The following LNX1 variants were observed in gnomAD, a reference collection of about 807,000 sequenced individuals.
LNX1 encodes ligand of numb-protein X 1, also known as E3 ubiquitin-protein ligase LNX.
Under a neutral mutation model 68.4 loss-of-function variants are expected in LNX1, and 54 were observed. That is an observed-to-expected ratio of 0.79 (90% CI 0.63 to 0.99). The LOEUF is 0.99. LNX1 is among the 50% of genes least tolerant of loss of function. The pLI, the probability that LNX1 is intolerant of heterozygous loss-of-function variation, is 0.00. For synonymous variants in LNX1, 336 were observed against 350.0 expected (o/e 0.96, Z 0.45); for missense variants, 906 against 926.4 (o/e 0.98, Z 0.29).
rs1474100390 is a variant in LNX1, at chr4:53,508,034, G to A, written c.574C>T (p.Gln192Ter). 6.2e-7 allele frequency: 1 copy of A among 1,614,136 alleles called. No individual in the cohort carries two copies. The highest frequency in any genetic ancestry group is 8.5e-7 in the Non-Finnish European group (1 of 1,179,996). ...PAYVSSAEDGQPAISPVDSGR... is the reference protein window; with the variant it reads ...PAYVSSAEDG ...GAGTCCACTGGGCTGATTGCTGGCT[G>A]CCCGTCCTCTGCCGAGGACACGTAG... The change falls in exon 3 of 11, where the codon CAG becomes TAG. Residue 192 changes from glutamine (Q) to a stop codon, truncating the protein, a stop_gained. Coordinates refer to ENST00000263925, the MANE Select transcript of LNX1 (RefSeq NM_001126328.3). LOFTEE classifies it high-confidence loss of function.
intron 2 of LNX1, among the ~76,000 whole-genome samples, chr4:53,546,902 C>T (rs7697542): frequency 0.32 from 48,167 of 151,996 alleles, 8,021 homozygotes; most frequent in African/African-American, 0.39. Flanking sequence ...GTGTGGAAGG[C>T]GAGGCCTCAG....
At chr4:53,633,718 G>A (rs1384189547) in intron 1 of LNX1, among the ~76,000 whole-genome samples, 1 of 152,154 alleles carries the variant, frequency 6.6e-6, no homozygotes, top group Non-Finnish European at 1.5e-5. Context: ...TTTGACATGA[G>A]CGCCCTCATC....
chr4:53,526,202 A>G (rs1398158), intron 2 of LNX1, among the ~76,000 whole-genome samples: 145,586 of 152,168 alleles, frequency 0.96, 69,997 homozygotes, highest in Middle Eastern at 1. Context: ...CCATCACTGG[A>G]CACGGCACAC....
chr4:53,568,698 A>G (rs892975679), intron 2 of LNX1, among the ~76,000 whole-genome samples: 3 of 151,708 alleles, frequency 2.0e-5, no homozygotes, highest in Admixed American at 6.5e-5. Flanking sequence ...AGGGTATTCA[A>G]TTAGGAAAAA....
chr4:53,467,126 G>C (rs1722748298), intron 9 of LNX1, among the ~76,000 whole-genome samples: 1 of 152,060 alleles, frequency 6.6e-6, no homozygotes. Context: ...ACATGGCTGG[G>C]TACTCCTCTG....
Position 53,496,340 on chromosome 4 carries a change from G to A in LNX1, c.1033C>T (p.Arg345Trp), listed in dbSNP as rs763938904. ...VPHNYAVRLL[R>W]QPCQVLWLTV... ...AGCCACAGCACCTGGCAGGGCTGCC[G>A]CAGGAGACGCACAGCGTAGTTGTGA... The change falls in exon 6 of 11, where the codon CGG (arginine) becomes TGG (tryptophan). Residue 345 changes from arginine to tryptophan, a missense_variant. By Grantham distance (101) the Arg-to-Trp change is moderately radical (BLOSUM62 -3). Coordinates refer to ENST00000263925, the MANE Select transcript of LNX1 (RefSeq NM_001126328.3). 46 of 1,613,936 alleles carry A rather than the reference G, an allele frequency of 2.9e-5. No homozygotes were observed. The highest frequency in any genetic ancestry group is 1.6e-4 in the Middle Eastern group (1 of 6,084).
rs1294229942 is a variant in LNX1, at chr4:53,496,072, C to A, written c.1301G>T (p.Gly434Val). 1 of 1,614,158 alleles carries A rather than the reference C, an allele frequency of 6.2e-7. No individual in the cohort carries two copies. The highest frequency in any genetic ancestry group is 8.5e-7 in the Non-Finnish European group (1 of 1,180,012). The change falls in exon 6 of 11, where the codon GGA becomes GTA. Residue 434 changes from glycine to valine, a missense_variant. Gly to Val is a moderately radical substitution (Grantham distance 109). Transcript: ENST00000263925. ...EENDRVLAIN[G>V]HDLRYGSPES... ...TGGGCTGCCATATCGAAGATCATGT[C>A]CATTGATGGCTAACACACGGTCATT...
chr4:53,632,472 G>T (rs537574807), intron 1 of LNX1, among the ~76,000 whole-genome samples: 1 of 152,260 alleles, frequency 6.6e-6, no homozygotes. Context: ...CAGCCAAGAG[G>T]GTCAGTCAGA....
At chr4:53,623,389 G>C (rs1348206948) in intron 1 of LNX1, among the ~76,000 whole-genome samples, 1 of 151,702 alleles carries the variant, frequency 6.6e-6, no homozygotes, top group Non-Finnish European at 1.5e-5. Flanking sequence ...ATGCTACCAT[G>C]CCTGGCTAAT....
chr4:53,638,204 G>A (rs758160861), intron 1 of LNX1, among the ~76,000 whole-genome samples: 3 of 152,080 alleles, frequency 2.0e-5, no homozygotes, highest in Non-Finnish European at 4.4e-5. Context: ...TCTCTGACTT[G>A]GCTTCTCTGC....
rs536809570 is a variant in LNX1 at position 53,624,375 on chromosome 4, G to A, written c.-215+27793C>T. Among the ~76,000 whole-genome samples, 149 of 152,238 alleles carry A rather than the reference G, an allele frequency of 9.8e-4. 1 individual carries two copies. Among genetic ancestry groups the A allele is most frequent in the African/African-American group, 3.4e-3 (142 of 41,556 alleles). ...TGAAAAAGTCTCATGAGATCTGATG[G>A]TTTTATAAGGGGAAACCCCTTTCAC... On this transcript the variant is annotated intron_variant, in intron 1 of 2. Coordinates refer to the LNX1 transcript ENST00000507168.
Position 53,478,643 on chromosome 4 carries a change from T to C in LNX1, c.1585A>G (p.Arg529Gly), listed in dbSNP as rs542542903. Reference sequence around the variant, plus strand: ...ACATAGATAGGCAAATCCCATTCTCTATGTGATGCTCCCCCTGCGACGGTC... The same window carrying C: ...ACATAGATAGGCAAATCCCATTCTCCATGTGATGCTCCCCCTGCGACGGTC... The part of the protein sequence containing the change: ...GMTVAGGASH[R>G]EWDLPIYVIS... The change falls in exon 8 of 11, where the codon AGA becomes GGA. Residue 529 changes from arginine to glycine, a missense_variant. Arg to Gly is a moderately radical substitution (Grantham distance 125, BLOSUM62 -2). Coordinates refer to ENST00000263925, the MANE Select transcript of LNX1 (RefSeq NM_001126328.3). 156 of 1,614,134 alleles carry C rather than the reference T, an allele frequency of 9.7e-5. 1 individual carries two copies. The highest frequency in any genetic ancestry group is 8.5e-4 in the South Asian group (77 of 91,072).
At chr4:53,564,434 G>A (rs1482514011) in intron 2 of LNX1, among the ~76,000 whole-genome samples, 1 of 152,150 alleles carries the variant, frequency 6.6e-6, no homozygotes, top group Non-Finnish European at 1.5e-5. Flanking sequence ...CCTGGATGAG[G>A]GGATGAGGAG....
Position 53,508,231 on chromosome 4 carries a change from T to C in LNX1, c.381-4A>G, listed in dbSNP as rs1211004386. 3 of 1,611,282 alleles carry C rather than the reference T, an allele frequency of 1.9e-6. No homozygotes were observed. The highest frequency in any genetic ancestry group is 1.1e-5 in the South Asian group (1 of 91,052). On this transcript the variant is annotated splice_region_variant and splice_polypyrimidine_tract_variant and intron_variant, in intron 2 of 10. Coordinates refer to ENST00000263925, the MANE Select transcript of LNX1 (RefSeq NM_001126328.3). ...GTAGTGGGAGGCACCTTTACAGCTG[T>C]AACAGAACCAGCGGGGAGGTGAAGA...
intron 2 of LNX1, among the ~76,000 whole-genome samples, chr4:53,546,283 C>T (rs1426862714): frequency 1.3e-4 from 20 of 152,170 alleles, no homozygotes; most frequent in African/African-American, 3.6e-4. Context: ...CCAGGCTGCA[C>T]GTGTTCAAAA....
At chr4:53,544,909 C>A (rs1729002422) in intron 2 of LNX1, among the ~76,000 whole-genome samples, 2 of 152,220 alleles carry the variant, frequency 1.3e-5, no homozygotes, top group African/African-American at 4.8e-5. Flanking sequence ...CAGGCTCTAA[C>A]TCTGGAGTCC....
intron 2 of LNX1, among the ~76,000 whole-genome samples, chr4:53,519,932 A>G (rs1304614413): frequency 6.6e-6 from 1 of 152,252 alleles, no homozygotes; most frequent in Non-Finnish European, 1.5e-5. Flanking sequence ...AAAACTGGTC[A>G]GTCCAAGGCA....
intron 1 of LNX1, among the ~76,000 whole-genome samples, chr4:53,645,062 G>A (rs949830705): frequency 1.3e-5 from 2 of 152,170 alleles, no homozygotes; most frequent in African/African-American, 2.4e-5. Flanking sequence ...CAGGTGATAA[G>A]GGCACAGCCA....
At chr4:53,472,685 C>CAAAAA (rs1309297098) in intron 9 of LNX1, among the ~76,000 whole-genome samples, 45 of 74,490 alleles carry the variant, frequency 6.0e-4, no homozygotes, top group Non-Finnish European at 8.2e-4. Context: ...ACAACAACAA[C>CAAAAA]AAAAAAAAAA....
Sources: gnomAD v4.1 joint callset for allele counts (sites outside exome capture counted in the v4.1 genomes callset) on GRCh38, gnomAD v4.1.1 for gene constraint, MANE v1.5 for transcripts, NCBI Gene and HGNC (gene_info 2026-07-23, HGNC 2026-07-21) for gene names.